C11orf16: variants seen among roughly 807,000 people sequenced by gnomAD.
The protein encoded by C11orf16 is chromosome 11 open reading frame 16.
Under a neutral mutation model 45.1 loss-of-function variants are expected in C11orf16, and 38 were observed. The observed-to-expected ratio is 0.84, with a 90% CI of 0.65 to 1.10. C11orf16 has a LOEUF of 1.10. Ranked by LOEUF, C11orf16 falls within the 50% of genes least tolerant of loss-of-function variation. The probability of loss-of-function intolerance (pLI) is 0.00; values close to 1 mark genes in which losing one functional copy is unlikely to be tolerated. For synonymous variants in C11orf16, 221 were observed against 222.0 expected (o/e 1.00, Z 0.04); for missense variants, 583 against 569.5 (o/e 1.02, Z -0.24).
chr11:8,931,881 C>T (rs544422066), intron 2 of C11orf16, among the ~76,000 whole-genome samples: 1 of 152,280 alleles, frequency 6.6e-6, no homozygotes, highest in Non-Finnish European at 1.5e-5. Context: ...ACTGGCTATC[C>T]CTAACTGCCT....
rs1000079087 is a variant in C11orf16, at chr11:8,920,464, A to G, written c.*23-14T>C. On this transcript the variant is annotated splice_polypyrimidine_tract_variant and intron_variant, in intron 6 of 6. Coordinates refer to ENST00000326053, the MANE Select transcript of C11orf16 (RefSeq NM_020643.3). The stretch of plus-strand genomic sequence containing the variant: ...TTTATTCTTTACCTATAAAAGGGGG[A>G]AAAATTCCATACATTGTTATGCTGA... The G allele has an allele frequency of 4.2e-5, 28 of 669,648 alleles. No individual in the cohort carries two copies. The highest frequency in any genetic ancestry group is 6.8e-5 in the Admixed American group (3 of 44,064). 41.5% of individuals were successfully genotyped at this position (669,648 alleles called of 1,614,324 possible).
intron 5 of C11orf16, among the ~76,000 whole-genome samples, chr11:8,921,923 A>T (rs2064577849): frequency 6.6e-6 from 1 of 152,164 alleles, no homozygotes; most frequent in Non-Finnish European, 1.5e-5. Flanking sequence ...TTACAGGTAT[A>T]AGCCACTACA....
At chr11:8,924,822 G>A (rs955568922) in intron 5 of C11orf16, among the ~76,000 whole-genome samples, 3 of 152,170 alleles carry the variant, frequency 2.0e-5, no homozygotes, top group East Asian at 1.9e-4. Flanking sequence ...TCCAGACTCC[G>A]TTGGGAATTT....
chr11:8,929,294 A>G (rs2064634840), intron 3 of C11orf16, 83 bp downstream of exon 3: 2 of 1,409,158 alleles, frequency 1.4e-6, no homozygotes, highest in Admixed American at 2.1e-5. Context: ...CCAGCCTGCT[A>G]GATGTACACA....
chr11:8,929,514 A>T lies in C11orf16; in HGVS notation c.187T>A (p.Cys63Ser). 1.2e-6 allele frequency: 2 copies of T among 1,613,558 alleles called. No individual in the cohort carries two copies. The highest frequency in any genetic ancestry group is 1.7e-6 in the Non-Finnish European group (2 of 1,179,838). ...PLARHASSCP[C>S]LHVADPAWQG... ...CATGCTGGGTCGGCAACGTGGAGAC[A>T]TGGGCAAGAAGAGGCATGCCTGGAA... The change falls in exon 3 of 7, where the codon TGT (cysteine) becomes AGT (serine). Residue 63 changes from cysteine (C) to serine (S), a missense_variant. Cys to Ser is a moderately radical substitution (Grantham distance 112). Transcript: ENST00000326053.
chr11:8,920,393 G>C lies in C11orf16; in HGVS notation c.*80C>G. The C allele has an allele frequency of 3.0e-6, 2 of 658,592 alleles. No homozygotes were observed. Among genetic ancestry groups the C allele is most frequent in the Non-Finnish European group, 5.5e-6 (2 of 365,542 alleles). The allele number at this position is 658,592 out of a possible 1,614,324, so 40.8% of individuals were successfully genotyped here. A position where few individuals can be genotyped will look rare whatever the true frequency, so the allele number is the denominator to read the frequency against. ...TCCTCTGCCTCCTTCCGTTGAAGAAGGCCTTGTCAGCCACTCTGTATAACT... is the reference window on the plus strand; with the variant it reads ...TCCTCTGCCTCCTTCCGTTGAAGAACGCCTTGTCAGCCACTCTGTATAACT... On this transcript the variant is annotated 3_prime_UTR_variant, in exon 7 of 7. Transcript: ENST00000326053.
chr11:8,926,838 T>C, intron 4 of C11orf16, 102 bp downstream of exon 4: 1 of 896,920 alleles, frequency 1.1e-6, no homozygotes. Context: ...TCTTAATGCC[T>C]TAGAAACCCC....
At chr11:8,926,213 G>A in intron 4 of C11orf16, 106 bp from the exon 5 acceptor site, 1 of 1,037,816 alleles carries the variant, frequency 9.6e-7, no homozygotes. Flanking sequence ...TTGAGACAGG[G>A]TCTGGCTCAG....
intron 4 of C11orf16, 132 bp from the exon 5 acceptor site, chr11:8,926,239 C>T: frequency 1.2e-6 from 1 of 861,402 alleles, no homozygotes; most frequent in Non-Finnish European, 1.7e-6. Flanking sequence ...AGTGCAGTGG[C>T]ACAGTGATAG....
intron 3 of C11orf16, among the ~76,000 whole-genome samples, chr11:8,928,237 A>C (rs534591338): frequency 6.6e-6 from 1 of 152,298 alleles, no homozygotes; most frequent in East Asian, 1.9e-4. Flanking sequence ...GAAATTCTGA[A>C]ATTCATATTT....
Position 8,925,555 on chromosome 11 carries a change from A to G in C11orf16, c.1112T>C (p.Phe371Ser). ...VNSAVNTDPI[F>S]LEMPLRQSGL... ...ACTCTGTCTCAGAGGCATCTCAAGA[A>G]AGATGGGATCTGTGTTGACTGCACT... Residue 371 changes from phenylalanine to serine, a missense_variant, in exon 5 of 7, where the codon TTT becomes TCT. Transcript: ENST00000326053. The G allele has an allele frequency of 6.2e-7, 1 of 1,614,258 alleles. No individual in the cohort carries two copies. Among genetic ancestry groups the G allele is most frequent in the Non-Finnish European group, 8.5e-7 (1 of 1,180,038 alleles).
intron 2 of C11orf16, among the ~76,000 whole-genome samples, chr11:8,929,875 T>C (rs1284452031): frequency 2.6e-5 from 4 of 152,158 alleles, no homozygotes; most frequent in African/African-American, 9.7e-5. Flanking sequence ...TCCCAGCACT[T>C]TGGGAGGCCG....
chr11:8,927,644 A>G (rs928516252), intron 3 of C11orf16: 2 of 456,666 alleles, frequency 4.4e-6, no homozygotes, highest in Non-Finnish European at 4.4e-6. Flanking sequence ...CATGTAGGCA[A>G]GGAGCGATTG....
chr11:8,921,522 C>A lies in C11orf16; in HGVS notation c.1205-7G>T, dbSNP rs754933330. The A allele has an allele frequency of 6.2e-7, 1 of 1,613,782 alleles. No homozygotes were observed. Among genetic ancestry groups the A allele is most frequent in the Non-Finnish European group, 8.5e-7 (1 of 1,179,772 alleles). ...ATGTTGGAATATCTTGTTCCTAAAC[C>A]CAAAAGTCAATTACTTAGGTTGAAT... is the stretch of plus-strand genomic sequence containing the variant. On this transcript the variant is annotated splice_polypyrimidine_tract_variant and splice_region_variant and intron_variant, in intron 5 of 6. Transcript: ENST00000326053.
rs1450312623 is a variant in C11orf16 at position 8,926,174 on chromosome 11, TTTTTTCTTTTC to T, written c.560-78_560-68del. ...TTATCTCCTTTTTTTTCTTTTTTCT[TTTTTTCTTTTC>T]TTTTTTTTTTTTTTTTTTTGAGACA... On this transcript the variant is annotated intron_variant, in intron 4 of 6. Coordinates refer to ENST00000326053, the MANE Select transcript of C11orf16 (RefSeq NM_020643.3). 211 of 1,377,720 alleles carry T rather than the reference TTTTTTCTTTTC, an allele frequency of 1.5e-4. 1 individual carries two copies. The African/African-American group carries it at 2.9e-3, about 19-fold the overall frequency. The allele number at this position is 1,377,720 out of a possible 1,614,324, so 85.3% of individuals were successfully genotyped here. A position where few individuals can be genotyped will look rare whatever the true frequency, so the allele number is the denominator to read the frequency against.
chr11:8,932,429 G>T, intron 1 of C11orf16, 103 bp from the exon 2 acceptor site: 1 of 961,878 alleles, frequency 1.0e-6, no homozygotes, highest in Non-Finnish European at 1.5e-6. Context: ...TCTGGGGACA[G>T]TTGAGTCCAT....
chr11:8,926,180 CTTTTCTTTTTTTT>C (rs1364113801), intron 4 of C11orf16, 73 bp from the exon 5 acceptor site: 8 of 987,906 alleles, frequency 8.1e-6, no homozygotes, highest in Non-Finnish European at 1.1e-5. Context: ...TTCTTTTTTT[CTTTTCTTTTTTTT>C]TTTTTTTTTT....
rs1269749121 is a variant in C11orf16, at chr11:8,925,994, G to C, written c.673C>G (p.Leu225Val). 1.2e-6 allele frequency: 2 copies of C among 1,614,120 alleles called. No individual in the cohort carries two copies. Residue 225 changes from leucine to valine, a missense_variant, in exon 5 of 7, where the codon CTG becomes GTG. Physicochemically the swap from Leu to Val is conservative, Grantham distance 32. Transcript: ENST00000326053. Reference protein sequence around the residue: ...LTIWKKAVERLHKSFTREHPR... With the variant: ...LTIWKKAVERVHKSFTREHPR... ...TGCTCCCTGGTGAAAGACTTGTGCAGCCTCTCCACAGCCTTCTTCCAGATG... is the reference window on the plus strand; with the variant it reads ...TGCTCCCTGGTGAAAGACTTGTGCACCCTCTCCACAGCCTTCTTCCAGATG...
intron 3 of C11orf16, chr11:8,929,004 G>GAT (rs1404212580): frequency 5.1e-6 from 1 of 197,508 alleles, no homozygotes; most frequent in Non-Finnish European, 1.0e-5. Context: ...AGATCAAGGC[G>GAT]ATGCCTCTAT....
Sources: allele counts gnomAD v4.1 joint callset (sites outside exome capture counted in the v4.1 genomes callset), GRCh38; gene constraint gnomAD v4.1.1; transcripts MANE v1.5; gene names NCBI Gene and HGNC (gene_info 2026-07-23, HGNC 2026-07-21).